LEKR1: variants seen among roughly 807,000 people sequenced by gnomAD.
The protein encoded by LEKR1 is protein LEKR1.
A neutral mutation model predicts 72.4 loss-of-function variants in LEKR1; 59 were observed. The observed-to-expected ratio is 0.82, with a 90% CI of 0.66 to 1.01. LEKR1 has a LOEUF of 1.01. Ranked by LOEUF, LEKR1 falls within the 50% of genes least tolerant of loss-of-function variation. LEKR1 has a pLI of 0.00. For synonymous variants in LEKR1, 257 were observed against 263.2 expected, an observed-to-expected ratio of 0.98 and a Z score of 0.23; for missense variants, 728 against 759.2, an observed-to-expected ratio of 0.96 and a Z score of 0.48.
chr3:156,835,450 C>T (rs981136636), intron 2 of LEKR1, among the ~76,000 whole-genome samples: 5 of 152,158 alleles, frequency 3.3e-5, no homozygotes, highest in Non-Finnish European at 7.4e-5. Context: ...TCAAGGGCTC[C>T]GTTTTTACGC....
In LEKR1 at chr3:157,024,845, T is replaced by A. The variant is rs754156614; in HGVS notation, c.1289T>A (p.Leu430Ter). ...QALLFKEETKLQLDIEKEKHQ... is the reference protein window; with the variant it reads ...QALLFKEETK ...CTTCTCTTTAAGGAAGAAACAAAATTGCAACTTGATATTGAAAAAGAAAAA... is the reference window on the plus strand; with the variant it reads ...CTTCTCTTTAAGGAAGAAACAAAATAGCAACTTGATATTGAAAAAGAAAAA... Residue 430 changes from leucine (L) to a stop codon, truncating the protein, a stop_gained, in exon 11 of 13, where the codon TTG (leucine) becomes TAG (stop). Coordinates refer to ENST00000356539, the MANE Select transcript of LEKR1 (RefSeq NM_001004316.3). LOFTEE classifies it high-confidence loss of function. The A allele has an allele frequency of 6.2e-7, 1 of 1,610,582 alleles. No homozygotes were observed. The highest frequency in any genetic ancestry group is 1.1e-5 in the South Asian group (1 of 90,792).
chr3:156,903,448 T>C (rs1028644259), intron 3 of LEKR1, among the ~76,000 whole-genome samples: 5 of 152,180 alleles, frequency 3.3e-5, no homozygotes, highest in African/African-American at 9.7e-5. Context: ...CAACCTCTTA[T>C]AAGTTAATTT....
At chr3:156,989,982 C>T (rs941817685) in intron 7 of LEKR1, among the ~76,000 whole-genome samples, 1 of 152,156 alleles carries the variant, frequency 6.6e-6, no homozygotes, top group Admixed American at 6.5e-5. Context: ...ATCCATATTT[C>T]AATTTTGTCA....
At chr3:157,006,042 A>G (rs1239792248) in intron 9 of LEKR1, among the ~76,000 whole-genome samples, 1 of 147,012 alleles carries the variant, frequency 6.8e-6, no homozygotes, top group African/African-American at 2.6e-5. Flanking sequence ...TCTGTCGCCC[A>G]GGCCGGACTG....
At chr3:156,892,276 CTG>C (rs2108557949) in intron 3 of LEKR1, among the ~76,000 whole-genome samples, 1 of 152,212 alleles carries the variant, frequency 6.6e-6, no homozygotes, top group East Asian at 1.9e-4. Flanking sequence ...ATGAGAGCAT[CTG>C]TGAGTTGAAG....
chr3:157,045,735 G>A lies in LEKR1; in HGVS notation c.2064G>A (p.Arg688=). The stretch of plus-strand genomic sequence containing the variant: ...GACTGGCTGCCATTCTTAGGAGAAG[G>A]CGGAGTCAGCAATGATCCAAAATGA... ...RQRLAAILRR[R]RSQQ is the part of the protein sequence containing the mutation. Residue 688 remains arginine (R), a synonymous_variant, in exon 13 of 13, where the codon AGG becomes AGA. Transcript: ENST00000356539. 1 of 1,608,266 alleles carries A rather than the reference G, an allele frequency of 6.2e-7. No individual in the cohort carries two copies. Among genetic ancestry groups the A allele is most frequent in the Admixed American group, 1.7e-5 (1 of 60,006 alleles).
intron 9 of LEKR1, among the ~76,000 whole-genome samples, chr3:157,002,617 G>A (rs1732100416): frequency 6.6e-6 from 1 of 152,072 alleles, no homozygotes; most frequent in Admixed American, 6.6e-5. Context: ...TTAGAGTCAG[G>A]AATGGAGGCT....
chr3:156,890,924 A>ATCTCGGC (rs1720594698), intron 3 of LEKR1, among the ~76,000 whole-genome samples: 1 of 146,034 alleles, frequency 6.8e-6, no homozygotes, highest in Non-Finnish European at 1.5e-5. Flanking sequence ...CAGTGGCATG[A>ATCTCGGC]TCTCGGCTCA....
chr3:156,920,438 TG>T (rs1724085016), intron 3 of LEKR1, 136 bp from the exon 4 acceptor site: 3 of 541,038 alleles, frequency 5.5e-6, no homozygotes, highest in Non-Finnish European at 9.3e-6. Flanking sequence ...ATATTTTTTC[TG>T]TACATTCATA....
intron 12 of LEKR1, among the ~76,000 whole-genome samples, chr3:157,044,297 A>G (rs1735583593): frequency 6.6e-6 from 1 of 152,240 alleles, no homozygotes; most frequent in Non-Finnish European, 1.5e-5. Flanking sequence ...TTGACATCAT[A>G]AAGACATGAA....
At chr3:156,877,442 T>A (rs1718738900) in intron 3 of LEKR1, among the ~76,000 whole-genome samples, 1 of 152,164 alleles carries the variant, frequency 6.6e-6, no homozygotes, top group South Asian at 2.1e-4. Context: ...ACCCATATAG[T>A]CCTGGATGTG....
intron 3 of LEKR1, among the ~76,000 whole-genome samples, chr3:156,853,955 A>AT (rs1008508085): frequency 6.6e-6 from 1 of 151,990 alleles, no homozygotes; most frequent in Non-Finnish European, 1.5e-5. Flanking sequence ...AATAAAATGT[A>AT]TTATACATGT....
chr3:156,860,511 G>T (rs1429043229), intron 3 of LEKR1, among the ~76,000 whole-genome samples: 5 of 152,162 alleles, frequency 3.3e-5, no homozygotes, highest in Non-Finnish European at 7.3e-5. Context: ...ACCTAAGGTA[G>T]GTACCAAAGG....
intron 4 of LEKR1, among the ~76,000 whole-genome samples, chr3:156,924,206 T>C (rs2108574190): frequency 6.6e-6 from 1 of 152,306 alleles, no homozygotes; most frequent in Admixed American, 6.5e-5. Flanking sequence ...GTAGCTTTGA[T>C]TTGTGTTTCC....
chr3:156,931,264 A>G (rs1725199175), intron 5 of LEKR1, among the ~76,000 whole-genome samples: 1 of 152,180 alleles, frequency 6.6e-6, no homozygotes, highest in South Asian at 2.1e-4. Context: ...AGGAAGATAC[A>G]TAAATGGCCA....
chr3:157,009,179 G>A (rs1732701755), intron 9 of LEKR1, among the ~76,000 whole-genome samples: 1 of 151,922 alleles, frequency 6.6e-6, no homozygotes, highest in African/African-American at 2.4e-5. Flanking sequence ...AAAATGCTTA[G>A]TTGCCACATT....
rs1576793960 is a variant in LEKR1, at chr3:156,906,451, ATG to A, written c.264-14123_264-14122del. Among the ~76,000 whole-genome samples the A allele has an allele frequency of 2.0e-5, 3 of 152,296 alleles. No individual in the cohort carries two copies. The East Asian group carries it at 5.8e-4, about 29-fold the overall frequency. ...AGTGCAGGACTCTCTCCACTAGAACATGCTGTTAGTACCCACTATTTTCAGGA... is the reference window on the plus strand; with the variant it reads ...AGTGCAGGACTCTCTCCACTAGAACACTGTTAGTACCCACTATTTTCAGGA... On this transcript the variant is annotated intron_variant, in intron 3 of 12. Transcript: ENST00000356539.
At chr3:156,858,674 CAA>C (rs796279918) in intron 3 of LEKR1, among the ~76,000 whole-genome samples, 13 of 122,066 alleles carry the variant, frequency 1.1e-4, no homozygotes, top group South Asian at 2.5e-4. Flanking sequence ...GACCCTGTCT[CAA>C]AAAAAAAAAA....
intron 6 of LEKR1, among the ~76,000 whole-genome samples, chr3:156,943,139 A>G (rs984555917): frequency 1.3e-5 from 2 of 151,984 alleles, no homozygotes; most frequent in Non-Finnish European, 2.9e-5. Context: ...CAGAGGAATG[A>G]GTGTCTTGAC....
Sources: gnomAD v4.1 joint callset for allele counts (sites outside exome capture counted in the v4.1 genomes callset) on GRCh38, gnomAD v4.1.1 for gene constraint, MANE v1.5 for transcripts, NCBI Gene and HGNC (gene_info 2026-07-23, HGNC 2026-07-21) for gene names.